SPMIP2: variants seen among roughly 807,000 people sequenced by gnomAD.
The protein encoded by SPMIP2 is protein SPMIP2.
chr4:158,962,453 G>A, the SPMIP2 span, among the ~76,000 whole-genome samples: 1 of 152,194 alleles, frequency 6.6e-6, no homozygotes, highest in Non-Finnish European at 1.5e-5. Flanking sequence ...TGTAATTTGA[G>A]AATGCATAGA....
the SPMIP2 span, among the ~76,000 whole-genome samples, chr4:159,005,451 AAAC>A: frequency 1.2e-4 from 19 of 152,100 alleles, no homozygotes; most frequent in Admixed American, 1.2e-3. Context: ...TCTCAAAACA[AAAC>A]AATAATAACA....
the SPMIP2 span, among the ~76,000 whole-genome samples, chr4:158,958,136 C>A: frequency 6.6e-6 from 1 of 152,042 alleles, no homozygotes; most frequent in South Asian, 2.1e-4. Flanking sequence ...GTAGCTGGGA[C>A]CACATGTGTG....
At chr4:158,895,772 G>C in the SPMIP2 span, 1 of 1,612,040 alleles carries the variant, frequency 6.2e-7, no homozygotes, top group Non-Finnish European at 8.5e-7. Context: ...CTTGAAGATA[G>C]ACTACAGGAG....
the SPMIP2 span, chr4:159,007,671 G>A: frequency 1.4e-6 from 1 of 731,284 alleles, no homozygotes; most frequent in Non-Finnish European, 2.4e-6. Context: ...TCATGTAATG[G>A]ACTACTGGGT....
the SPMIP2 span, among the ~76,000 whole-genome samples, chr4:159,048,812 T>C: frequency 6.9e-6 from 1 of 145,664 alleles, no homozygotes; most frequent in East Asian, 2.1e-4. Context: ...CAAGTGATCC[T>C]CCTGCCTCAG....
At chr4:158,928,855 A>C in the SPMIP2 span, among the ~76,000 whole-genome samples, 1 of 151,758 alleles carries the variant, frequency 6.6e-6, no homozygotes, top group Non-Finnish European at 1.5e-5. Context: ...CTGCTTTAAG[A>C]GCTGTTAACA....
chr4:158,929,408 G>T, the SPMIP2 span, among the ~76,000 whole-genome samples: 1 of 152,134 alleles, frequency 6.6e-6, no homozygotes, highest in Non-Finnish European at 1.5e-5. Context: ...CTGTTATTTT[G>T]CTATTTGTTT....
the SPMIP2 span, among the ~76,000 whole-genome samples, chr4:159,080,633 C>G: frequency 6.6e-6 from 1 of 152,160 alleles, no homozygotes; most frequent in Non-Finnish European, 1.5e-5. Context: ...TGAGTGCCCC[C>G]CACCATCTAT....
chr4:159,037,827 C>CAT, the SPMIP2 span, among the ~76,000 whole-genome samples: 3,661 of 125,724 alleles, frequency 0.029, 59 homozygotes, highest in Middle Eastern at 0.077. Flanking sequence ...CACACACACA[C>CAT]ATATATATAT....
At chr4:159,005,919 C>G in the SPMIP2 span, among the ~76,000 whole-genome samples, 1 of 152,092 alleles carries the variant, frequency 6.6e-6, no homozygotes, top group South Asian at 2.1e-4. Flanking sequence ...TGTGTGCCAC[C>G]ACGCCCAGCT....
At chr4:158,929,460 G>A in the SPMIP2 span, among the ~76,000 whole-genome samples, 1 of 152,066 alleles carries the variant, frequency 6.6e-6, no homozygotes, top group South Asian at 2.1e-4. Context: ...ATTTCTTCAT[G>A]CTTGCTTTTG....
At chr4:159,000,654 C>T in the SPMIP2 span, among the ~76,000 whole-genome samples, 2 of 151,864 alleles carry the variant, frequency 1.3e-5, no homozygotes, top group Non-Finnish European at 1.5e-5. Flanking sequence ...CCACCACGCC[C>T]GGCTAGTTTT....
chr4:158,904,687 CT>C, the SPMIP2 span: 1 of 704,054 alleles, frequency 1.4e-6, no homozygotes, highest in Non-Finnish European at 2.4e-6. Context: ...TGTGTTTTTG[CT>C]GTCAAGCTGA....
At chr4:158,923,512 A>G in the SPMIP2 span, among the ~76,000 whole-genome samples, 1 of 149,740 alleles carries the variant, frequency 6.7e-6, no homozygotes, top group Non-Finnish European at 1.5e-5. Context: ...TTTTAATTTC[A>G]TTTTAGAGTA....
At chr4:158,990,501 A>G in the SPMIP2 span, among the ~76,000 whole-genome samples, 1 of 152,214 alleles carries the variant, frequency 6.6e-6, no homozygotes, top group African/African-American at 2.4e-5. Context: ...ATGCCCATCA[A>G]TGAAAGACTG....
chr4:159,036,444 A>G, the SPMIP2 span, among the ~76,000 whole-genome samples: 3 of 152,190 alleles, frequency 2.0e-5, no homozygotes, highest in Non-Finnish European at 4.4e-5. Context: ...AATGAGGTAG[A>G]GGTATAAAGA....
the SPMIP2 span, among the ~76,000 whole-genome samples, chr4:158,939,802 G>T: frequency 6.6e-6 from 1 of 151,814 alleles, no homozygotes; most frequent in South Asian, 2.1e-4. Flanking sequence ...TTGTGCCACT[G>T]CACTCCAGCC....
chr4:158,978,730 G>C, the SPMIP2 span, among the ~76,000 whole-genome samples: 1 of 152,056 alleles, frequency 6.6e-6, no homozygotes. Flanking sequence ...CAGAGAGTAG[G>C]ATTGCAAACC....
At chr4:158,971,287 C>A in the SPMIP2 span, among the ~76,000 whole-genome samples, 1 of 152,136 alleles carries the variant, frequency 6.6e-6, no homozygotes, top group Non-Finnish European at 1.5e-5. Context: ...AGCCGCCTTG[C>A]TTTGGGGCTG....
Sources: allele counts gnomAD v4.1 joint callset (sites outside exome capture counted in the v4.1 genomes callset), GRCh38; gene constraint gnomAD v4.1.1; transcripts MANE v1.5; gene names NCBI Gene and HGNC (gene_info 2026-07-23, HGNC 2026-07-21).